Variants in TSHZ2 observed in about 807,000 individuals in gnomAD.
The protein encoded by TSHZ2 is teashirt zinc finger homeobox 2.
TSHZ2 carries 21 observed loss-of-function variants against 74.4 expected under a neutral mutation model. That is an observed-to-expected ratio of 0.28 (90% CI 0.20 to 0.41). TSHZ2 has a LOEUF of 0.41. TSHZ2 is among the 10% of genes least tolerant of loss of function. The pLI, the probability that TSHZ2 is intolerant of heterozygous loss-of-function variation, is 1.00. For synonymous variants in TSHZ2, 540 were observed against 515.3 expected (o/e 1.05, Z -0.65); for missense variants, 1,244 against 1,293.5 (o/e 0.96, Z 0.59).
intron 1 of TSHZ2, among the ~76,000 whole-genome samples, chr20:53,026,891 A>G (rs1983465707): frequency 1.3e-5 from 2 of 152,078 alleles, no homozygotes; most frequent in Non-Finnish European, 2.9e-5. Context: ...TAATCCCAGC[A>G]CTTTTGGAGA....
chr20:53,461,719 C>CTCTTCTGA (rs1985379947), intron 2 of TSHZ2, among the ~76,000 whole-genome samples: 1 of 152,206 alleles, frequency 6.6e-6, no homozygotes, highest in Non-Finnish European at 1.5e-5. Context: ...ACATCCCATT[C>CTCTTCTGA]TCTTCTGAGA....
intron 2 of TSHZ2, among the ~76,000 whole-genome samples, chr20:53,459,916 C>T (rs191741149): frequency 0.019 from 2,944 of 152,054 alleles, 80 homozygotes; most frequent in African/African-American, 0.058. Context: ...GGGTTTCTGC[C>T]GAGAGATCCA....
chr20:53,329,835 A>G (rs746229495), intron 2 of TSHZ2, among the ~76,000 whole-genome samples: 1 of 152,160 alleles, frequency 6.6e-6, no homozygotes, highest in Admixed American at 6.5e-5. Flanking sequence ...AGAGAGAGAG[A>G]GACAGGGAGG....
chr20:53,086,719 G>A (rs548824348), intron 1 of TSHZ2, among the ~76,000 whole-genome samples: 52 of 152,232 alleles, frequency 3.4e-4, no homozygotes, highest in African/African-American at 7.9e-4. Flanking sequence ...TCCTGAAACC[G>A]TGTCTTCCCT....
chr20:53,164,975 C>T (rs1472564111), intron 1 of TSHZ2, among the ~76,000 whole-genome samples: 1 of 152,192 alleles, frequency 6.6e-6, no homozygotes, highest in African/African-American at 2.4e-5. Context: ...ATGATCACCA[C>T]TTTCATTTAA....
intron 1 of TSHZ2, among the ~76,000 whole-genome samples, chr20:53,180,355 G>A (rs1212016052): frequency 6.6e-6 from 1 of 152,178 alleles, no homozygotes; most frequent in African/African-American, 2.4e-5. Flanking sequence ...TAGAGGGATG[G>A]TTTGCTTTGT....
intron 2 of TSHZ2, among the ~76,000 whole-genome samples, chr20:53,418,627 T>A (rs190156564): frequency 2.5e-4 from 38 of 152,086 alleles, no homozygotes; most frequent in Non-Finnish European, 5.1e-4. Flanking sequence ...GCCCCCATGA[T>A]CCAATTACCA....
chr20:53,119,417 CGAT>C (rs754454262), intron 1 of TSHZ2, among the ~76,000 whole-genome samples: 1 of 152,090 alleles, frequency 6.6e-6, no homozygotes, highest in Non-Finnish European at 1.5e-5. Flanking sequence ...TTGTAAGACA[CGAT>C]GATAAGTGCT....
At chr20:53,374,187 G>T (rs1313141535) in intron 2 of TSHZ2, among the ~76,000 whole-genome samples, 1 of 152,006 alleles carries the variant, frequency 6.6e-6, no homozygotes, top group Non-Finnish European at 1.5e-5. Flanking sequence ...TTCCCTTCTT[G>T]GTGTCCATAG....
chr20:53,396,613 G>A lies in TSHZ2; in HGVS notation c.*9-90531G>A, dbSNP rs1365031995. Among the ~76,000 whole-genome samples, 9 of 152,074 alleles carry A rather than the reference G, an allele frequency of 5.9e-5. No homozygotes were observed. In the East Asian group the frequency reaches 1.5e-3, roughly 26 times the overall value. ...TGTAATCCCAGTATTCTAGGAAGCC[G>A]AGGCAGGTGGATCACTTGAGCTCAG... is the stretch of plus-strand genomic sequence containing the variant. On this transcript the variant is annotated intron_variant, in intron 2 of 2. Coordinates refer to ENST00000371497, the MANE Select transcript of TSHZ2 (RefSeq NM_173485.6).
intron 1 of TSHZ2, among the ~76,000 whole-genome samples, chr20:53,125,724 C>T (rs1986930819): frequency 6.6e-6 from 1 of 151,864 alleles, no homozygotes; most frequent in Non-Finnish European, 1.5e-5. Context: ...TACAGGAATG[C>T]AGTTACCAAA....
At position 53,300,157 on chromosome 20, in the gene TSHZ2, G is replaced by T. The variant is rs145441751; in HGVS notation, c.*8+43586G>T. ...CAGCAAACCCTCACTACCTGTTTTA[G>T]TAACTTCCCACAGACGTTCACATTT... is the stretch of plus-strand genomic sequence containing the variant. On this transcript the variant is annotated intron_variant, in intron 2 of 2. Coordinates refer to ENST00000371497, the MANE Select transcript of TSHZ2 (RefSeq NM_173485.6). Among the ~76,000 whole-genome samples, 996 of 152,246 alleles carry T rather than the reference G, an allele frequency of 6.5e-3. 14 individuals are homozygous for T. The highest frequency in any genetic ancestry group is 0.023 in the African/African-American group (950 of 41,538).
At chr20:53,461,190 G>A (rs4571114) in intron 2 of TSHZ2, among the ~76,000 whole-genome samples, 14,309 of 152,030 alleles carry the variant, frequency 0.094, 757 homozygotes, top group African/African-American at 0.15. Context: ...AGCAATCAGC[G>A]AGACTCCATG....
At chr20:53,068,405 C>T (rs1372405430) in intron 1 of TSHZ2, among the ~76,000 whole-genome samples, 3 of 152,100 alleles carry the variant, frequency 2.0e-5, no homozygotes, top group Non-Finnish European at 4.4e-5. Context: ...TTTTGAATTG[C>T]TGTGCCACTT....
intron 1 of TSHZ2, among the ~76,000 whole-genome samples, chr20:53,150,425 G>A (rs912559229): frequency 9.2e-5 from 14 of 152,088 alleles, no homozygotes; most frequent in African/African-American, 3.4e-4. Flanking sequence ...TTATATAGCT[G>A]GCAAACTAGA....
chr20:53,281,827 G>A (rs1991066695), intron 2 of TSHZ2, among the ~76,000 whole-genome samples: 1 of 152,132 alleles, frequency 6.6e-6, no homozygotes, highest in South Asian at 2.1e-4. Flanking sequence ...TGTAAGCAAG[G>A]GCTGGGCTAC....
intron 1 of TSHZ2, among the ~76,000 whole-genome samples, chr20:53,107,241 A>C (rs1027672932): frequency 7.9e-5 from 12 of 152,200 alleles, no homozygotes; most frequent in African/African-American, 2.9e-4. Flanking sequence ...ATGGTTGAGA[A>C]CATAAACTCT....
intron 2 of TSHZ2, among the ~76,000 whole-genome samples, chr20:53,484,514 T>A (rs1986242374): frequency 6.6e-6 from 1 of 151,810 alleles, no homozygotes; most frequent in South Asian, 2.1e-4. Context: ...GCCTCCTGAG[T>A]AGCTGGAATT....
rs1476104926 is a variant in TSHZ2, at chr20:53,129,269, TATTTA to T, written c.41-124225_41-124221del. Among the ~76,000 whole-genome samples, 3 of 152,244 alleles carry T rather than the reference TATTTA, an allele frequency of 2.0e-5. No homozygotes were observed. The East Asian group carries it at 5.8e-4, about 29-fold the overall frequency. ...AATGTGCCAAAGCTCTACTCTTTAT[TATTTA>T]ATTTTTAAATTTTGTGGGTACATGG... On this transcript the variant is annotated intron_variant, in intron 1 of 2. Transcript: ENST00000371497.
Sources: gnomAD v4.1 joint callset for allele counts (sites outside exome capture counted in the v4.1 genomes callset) on GRCh38, gnomAD v4.1.1 for gene constraint, MANE v1.5 for transcripts, NCBI Gene and HGNC (gene_info 2026-07-23, HGNC 2026-07-21) for gene names.